The following TSHZ1 variants were observed in gnomAD, a reference collection of about 807,000 sequenced individuals.
TSHZ1 encodes teashirt homolog 1.
A neutral mutation model predicts 67.1 loss-of-function variants in TSHZ1; 12 were observed. The observed-to-expected ratio is 0.18, with a 90% CI of 0.11 to 0.29. TSHZ1 has a LOEUF of 0.29. TSHZ1 is among the 10% of genes least tolerant of loss of function. TSHZ1 has a pLI of 1.00. For missense variants in TSHZ1, 1,305 were observed against 1,413.9 expected (o/e 0.92, Z 1.23); for synonymous variants, 632 against 622.4 (o/e 1.02, Z -0.23).
At position 75,281,046 on chromosome 18, in the gene TSHZ1, G is replaced by A. The variant is rs867896322; in HGVS notation, c.41-4402G>A. Among the ~76,000 whole-genome samples, 3 of 152,202 alleles carry A rather than the reference G, an allele frequency of 2.0e-5. No individual in the cohort carries two copies. Among genetic ancestry groups the A allele is most frequent in the Admixed American group, 6.5e-5 (1 of 15,284 alleles). ...TGGGCACAGAGGGCTGGGCACAGGC[G>A]GGGCAGCGGTGAGGGTCCAGACGCC... is the stretch of plus-strand genomic sequence containing the variant. On this transcript the variant is annotated intron_variant, in intron 1 of 1. Transcript: ENST00000580243. This position sits in a 1 kb window ranked among gnomAD's most constrained non-coding sequence, Gnocchi z 5.3.
chr18:75,286,340 C>T lies in TSHZ1; in HGVS notation c.933C>T (p.Tyr311=), dbSNP rs1160440613. Residue 311 remains tyrosine (Y), a synonymous_variant, in exon 2 of 2, where the codon TAC becomes TAT. Transcript: ENST00000580243. This position sits in a 1 kb window ranked among gnomAD's most constrained non-coding sequence, Gnocchi z 5.1. ...CCCAGAAGGTGCTGAAGTGCATGTA[C>T]TGTGGACACTCCTTTGAGTCCTTGC... ...EDAQKVLKCM[Y]CGHSFESLQD... is the part of the protein sequence containing the mutation. The T allele has an allele frequency of 6.2e-7, 1 of 1,614,012 alleles. No homozygotes were observed. The highest frequency in any genetic ancestry group is 1.3e-5 in the African/African-American group (1 of 74,914).
chr18:75,275,170 G>A (rs1390388615), intron 1 of TSHZ1, among the ~76,000 whole-genome samples: 1 of 152,182 alleles, frequency 6.6e-6, no homozygotes, highest in South Asian at 2.1e-4. Context: ...GTTCCTGTGT[G>A]TTTATGGGAA....
In TSHZ1 at chr18:75,287,532, G is replaced by C; in HGVS notation, c.2125G>C (p.Asp709His). The C allele has an allele frequency of 1.2e-6, 2 of 1,614,242 alleles. No homozygotes were observed. Among genetic ancestry groups the C allele is most frequent in the Non-Finnish European group, 1.7e-6 (2 of 1,180,046 alleles). The change falls in exon 2 of 2, where the codon GAC (aspartate) becomes CAC (histidine). Residue 709 changes from aspartate to histidine, a missense_variant. Physicochemically the swap from Asp to His is moderately conservative, Grantham distance 81 (BLOSUM62 -1). Coordinates refer to ENST00000580243, the MANE Select transcript of TSHZ1 (RefSeq NM_001308210.2). The surrounding 1 kb of genome is among the most constrained non-coding windows in gnomAD (Gnocchi z 5.0). ...GAAGGCCAAAAAGGAGGGACCGCTG[G>C]ACGTTCACACCCCAAATGGCACAGA... ...TGKAKKEGPL[D>H]VHTPNGTEPL...
chr18:75,287,496 G>T lies in TSHZ1; in HGVS notation c.2089G>T (p.Ala697Ser), dbSNP rs753226070. Residue 697 changes from alanine to serine, a missense_variant, in exon 2 of 2, where the codon GCC becomes TCC. Coordinates refer to ENST00000580243, the MANE Select transcript of TSHZ1 (RefSeq NM_001308210.2). This position sits in a 1 kb window ranked among gnomAD's most constrained non-coding sequence, Gnocchi z 5.0. ...SGKPQKKGPE[A>S]ETGKAKKEGP... ...CAAACCACAGAAGAAGGGCCCTGAG[G>T]CCGAGACTGGGAAGGCCAAAAAGGA... is the stretch of plus-strand genomic sequence containing the variant. The T allele has an allele frequency of 8.7e-6, 14 of 1,614,232 alleles. No individual in the cohort carries two copies. In the South Asian group the frequency reaches 1.4e-4, roughly 16 times the overall value.
In TSHZ1 at chr18:75,211,005, G is replaced by A. The variant is rs1159296599; in HGVS notation, c.-872G>A. On this transcript the variant is annotated 5_prime_UTR_variant, in exon 1 of 2. Transcript: ENST00000580243. The stretch of plus-strand genomic sequence containing the variant: ...TTGTTGCCTTTTTTTTTTCTTGGAG[G>A]GGGGGGTGCTTTTTGTGTATTTTTC... The A allele has an allele frequency of 6.6e-6, 1 of 150,828 alleles. No individual in the cohort carries two copies. Among genetic ancestry groups the A allele is most frequent in the Admixed American group, 6.6e-5 (1 of 15,150 alleles). The allele number at this position is 150,828 out of a possible 1,614,324, so 9.3% of individuals were successfully genotyped here.
intron 1 of TSHZ1, among the ~76,000 whole-genome samples, chr18:75,223,044 T>G (rs1170892220): frequency 6.6e-6 from 1 of 152,180 alleles, no homozygotes; most frequent in Admixed American, 6.5e-5. Flanking sequence ...TACACCTCCC[T>G]GCCTCCCAGC....
At chr18:75,275,127 C>T (rs775186774) in intron 1 of TSHZ1, among the ~76,000 whole-genome samples, 12 of 152,334 alleles carry the variant, frequency 7.9e-5, no homozygotes, top group Middle Eastern at 3.4e-3. Context: ...CATGCCGCGA[C>T]GGCCTAGAGG....
chr18:75,213,838 C>T (rs568377525), intron 1 of TSHZ1, among the ~76,000 whole-genome samples: 7 of 152,258 alleles, frequency 4.6e-5, no homozygotes, highest in Non-Finnish European at 8.8e-5. Flanking sequence ...TTCCTCTACA[C>T]GACATTTGGC....
chr18:75,250,033 C>T (rs1021350293), intron 1 of TSHZ1, among the ~76,000 whole-genome samples: 6 of 148,674 alleles, frequency 4.0e-5, no homozygotes, highest in Non-Finnish European at 7.5e-5. Flanking sequence ...GCATGACTTC[C>T]TGCCTTCCTC....
intron 1 of TSHZ1, among the ~76,000 whole-genome samples, chr18:75,266,907 C>T (rs571767924): frequency 6.6e-6 from 1 of 152,246 alleles, no homozygotes; most frequent in Non-Finnish European, 1.5e-5. Flanking sequence ...CTGTATTATG[C>T]ACCAAAATTA....
At chr18:75,277,254 G>T (rs1196318891) in intron 1 of TSHZ1, among the ~76,000 whole-genome samples, 1 of 152,186 alleles carries the variant, frequency 6.6e-6, no homozygotes, top group Non-Finnish European at 1.5e-5. Flanking sequence ...GCTGGGATGG[G>T]CATATCATCA....
intron 1 of TSHZ1, among the ~76,000 whole-genome samples, chr18:75,251,240 G>GA (rs1042366421): frequency 6.6e-6 from 1 of 151,906 alleles, no homozygotes; most frequent in African/African-American, 2.4e-5. Flanking sequence ...GGAAAAATTG[G>GA]AAAAACACAG....
intron 1 of TSHZ1, among the ~76,000 whole-genome samples, chr18:75,232,512 G>T (rs1246004548): frequency 1.3e-5 from 2 of 152,200 alleles, no homozygotes; most frequent in African/African-American, 4.8e-5. Context: ...TGCATTGAGA[G>T]AGATATATAT....
In TSHZ1 at chr18:75,287,495, G is replaced by C. The variant is rs1388221472; in HGVS notation, c.2088G>C (p.Glu696Asp). 1 of 1,614,216 alleles carries C rather than the reference G, an allele frequency of 6.2e-7. No individual in the cohort carries two copies. Among genetic ancestry groups the C allele is most frequent in the Non-Finnish European group, 8.5e-7 (1 of 1,180,044 alleles). The change falls in exon 2 of 2, where the codon GAG becomes GAC. Residue 696 changes from glutamate (E) to aspartate (D), a missense_variant. Glu to Asp is a conservative substitution (Grantham distance 45). Coordinates refer to ENST00000580243, the MANE Select transcript of TSHZ1 (RefSeq NM_001308210.2). The surrounding 1 kb of genome is among the most constrained non-coding windows in gnomAD (Gnocchi z 5.0). ...GCAAACCACAGAAGAAGGGCCCTGA[G>C]GCCGAGACTGGGAAGGCCAAAAAGG... is the stretch of plus-strand genomic sequence containing the variant. The part of the protein sequence containing the change: ...VSGKPQKKGP[E>D]AETGKAKKEG...
At chr18:75,256,239 A>C (rs188422787) in intron 1 of TSHZ1, among the ~76,000 whole-genome samples, 21 of 152,368 alleles carry the variant, frequency 1.4e-4, no homozygotes, top group Admixed American at 1.1e-3. Flanking sequence ...TACTTTATAA[A>C]TTAGGTTCCA....
chr18:75,270,886 C>T (rs2023548634), intron 1 of TSHZ1, among the ~76,000 whole-genome samples: 1 of 152,086 alleles, frequency 6.6e-6, no homozygotes, highest in Non-Finnish European at 1.5e-5. Context: ...CAACATTGTT[C>T]TCCAAGCATT....
In TSHZ1 at chr18:75,288,437, ACAG is replaced by A; in HGVS notation, c.3034_3036del (p.Gln1012del). ...AGCTGCCACTCAATCAGATTCAAGA[ACAG>A]CAGAATGTTTCGAAAGTCCTCACCA... On this transcript the variant is annotated inframe_deletion, in exon 2 of 2. Transcript: ENST00000580243. The surrounding 1 kb of genome is among the most constrained non-coding windows in gnomAD (Gnocchi z 4.9). 6.2e-7 allele frequency: 1 copy of A among 1,614,196 alleles called. No homozygotes were observed. Among genetic ancestry groups the A allele is most frequent in the Non-Finnish European group, 8.5e-7 (1 of 1,180,032 alleles).
At chr18:75,235,296 C>A (rs2023053383) in intron 1 of TSHZ1, among the ~76,000 whole-genome samples, 1 of 152,138 alleles carries the variant, frequency 6.6e-6, no homozygotes, top group Non-Finnish European at 1.5e-5. Flanking sequence ...CTTTCTGGAA[C>A]CTTCCAGGGG....
At chr18:75,279,002 C>G (rs561305994) in intron 1 of TSHZ1, among the ~76,000 whole-genome samples, 3 of 152,126 alleles carry the variant, frequency 2.0e-5, no homozygotes, top group Non-Finnish European at 4.4e-5. Flanking sequence ...TCCCAAAGAC[C>G]GTTCCCTTCC....
Sources: gnomAD v4.1 joint callset for allele counts (sites outside exome capture counted in the v4.1 genomes callset) on GRCh38, gnomAD v4.1.1 for gene constraint, Gnocchi (gnomAD v3.1) non-coding constraint, MANE v1.5 for transcripts, NCBI Gene and HGNC (gene_info 2026-07-23, HGNC 2026-07-21) for gene names.